The following ACYP2 variants were observed in gnomAD, a reference collection of about 807,000 sequenced individuals.
The protein encoded by ACYP2 is acylphosphatase 2.
Under a neutral mutation model 11.2 loss-of-function variants are expected in ACYP2, and 12 were observed. The ratio of observed to expected loss-of-function variants is 1.08; its 90% CI spans 0.69 to 1.74. The LOEUF is 1.74. Among genes scored for constraint, ACYP2 ranks in the 40% most tolerant of loss-of-function variants. The probability of loss-of-function intolerance (pLI) is 0.00; values close to 1 mark genes in which losing one functional copy is unlikely to be tolerated. For missense variants in ACYP2, 134 were observed against 101.9 expected, an observed-to-expected ratio of 1.31 and a Z score of -1.35; for synonymous variants, 43 against 32.2, an observed-to-expected ratio of 1.33 and a Z score of -1.13.
chr2:54,040,712 T>G (rs2104562698), intron 2 of ACYP2, among the ~76,000 whole-genome samples: 1 of 152,184 alleles, frequency 6.6e-6, no homozygotes, highest in Non-Finnish European at 1.5e-5. Context: ...AAGATGAAAA[T>G]TAAGGCTTGG....
intron 6 of ACYP2, among the ~76,000 whole-genome samples, chr2:54,264,003 G>T (rs1390389778): frequency 6.6e-6 from 1 of 152,144 alleles, no homozygotes; most frequent in Non-Finnish European, 1.5e-5. Context: ...AATGAAACAG[G>T]CATGGATCTG....
At chr2:54,171,407 G>T (rs1314339856) in intron 6 of ACYP2, among the ~76,000 whole-genome samples, 2 of 152,130 alleles carry the variant, frequency 1.3e-5, no homozygotes, top group Non-Finnish European at 2.9e-5. Flanking sequence ...ATGGCCAAAT[G>T]CATATCTTCT....
chr2:54,180,706 C>A (rs1297007263), intron 6 of ACYP2, among the ~76,000 whole-genome samples: 1 of 152,046 alleles, frequency 6.6e-6, no homozygotes, highest in African/African-American at 2.4e-5. Context: ...AGGCACACAC[C>A]ACCATGCCAG....
rs149576805 is a variant in ACYP2, at chr2:54,216,686, C to T, written c.404+77938C>T. Among the ~76,000 whole-genome samples the T allele has an allele frequency of 7.7e-3, 1,169 of 152,180 alleles. 15 individuals carry two copies. Among genetic ancestry groups the T allele is most frequent in the African/African-American group, 0.027 (1,125 of 41,514 alleles). On this transcript the variant is annotated intron_variant, in intron 6 of 6. Coordinates refer to ENST00000607452, the MANE Select transcript of ACYP2 (RefSeq NM_001320586.2). ...CTGAGTAGCTGGGACTACAGACACA[C>T]ACCACCACACCTGGCTAATTTTTGT...
chr2:54,172,766 C>G (rs1360162881), intron 6 of ACYP2, among the ~76,000 whole-genome samples: 1 of 152,090 alleles, frequency 6.6e-6, no homozygotes. Context: ...CTTACTGTTC[C>G]ATTCCCACCT....
chr2:54,067,195 A>T (rs2103641506), intron 4 of ACYP2, among the ~76,000 whole-genome samples: 1 of 152,358 alleles, frequency 6.6e-6, no homozygotes, highest in African/African-American at 2.4e-5. Flanking sequence ...AGTTAAGTCT[A>T]AGTAAAATGT....
At chr2:54,287,713 T>A (rs1689137909) in intron 6 of ACYP2, among the ~76,000 whole-genome samples, 1 of 152,054 alleles carries the variant, frequency 6.6e-6, no homozygotes, top group African/African-American at 2.4e-5. Flanking sequence ...AGAACCCAGC[T>A]GACTGAGTTT....
intron 2 of ACYP2, among the ~76,000 whole-genome samples, chr2:53,993,685 A>C (rs988473072): frequency 2.6e-5 from 4 of 151,368 alleles, no homozygotes; most frequent in Admixed American, 1.3e-4. Flanking sequence ...CGACAGAGTG[A>C]GGGAAAAAAA....
chr2:54,142,752 A>C (rs2103792292), intron 6 of ACYP2: 1 of 152,264 alleles, frequency 6.6e-6, no homozygotes, highest in African/African-American at 2.4e-5. Context: ...AAATAAAGAC[A>C]GAAGTGACAT....
At chr2:54,039,444 A>G (rs1675104733) in intron 2 of ACYP2, among the ~76,000 whole-genome samples, 1 of 151,752 alleles carries the variant, frequency 6.6e-6, no homozygotes, top group Non-Finnish European at 1.5e-5. Flanking sequence ...GGTGTGCACT[A>G]TCATGCCTGG....
intron 4 of ACYP2, among the ~76,000 whole-genome samples, chr2:54,059,373 C>G (rs1209761363): frequency 6.6e-6 from 1 of 152,038 alleles, no homozygotes; most frequent in Non-Finnish European, 1.5e-5. Context: ...CGCCTGCAAC[C>G]ATGCCTGGCT....
At chr2:54,175,907 C>T (rs1683438006) in intron 6 of ACYP2, among the ~76,000 whole-genome samples, 1 of 152,068 alleles carries the variant, frequency 6.6e-6, no homozygotes, top group Non-Finnish European at 1.5e-5. Context: ...GGTAGATGAT[C>T]AGATCATAAG....
chr2:54,109,954 C>T (rs538688059), intron 4 of ACYP2, among the ~76,000 whole-genome samples: 11 of 152,244 alleles, frequency 7.2e-5, no homozygotes, highest in African/African-American at 1.2e-4. Flanking sequence ...TTCTGTCCCA[C>T]GATCCCACCA....
At chr2:54,231,127 C>T (rs1686218394) in intron 6 of ACYP2, among the ~76,000 whole-genome samples, 1 of 152,080 alleles carries the variant, frequency 6.6e-6, no homozygotes, top group African/African-American at 2.4e-5. Flanking sequence ...CCACCGCGCC[C>T]GGCCAAACCA....
intron 2 of ACYP2, among the ~76,000 whole-genome samples, chr2:54,012,840 C>T (rs979690882): frequency 5.3e-5 from 8 of 152,198 alleles, no homozygotes; most frequent in Admixed American, 5.2e-4. Context: ...GCTGGAGTGG[C>T]TTCCCATCTC....
chr2:54,108,007 G>A (rs1056226162), intron 4 of ACYP2, among the ~76,000 whole-genome samples: 2 of 152,076 alleles, frequency 1.3e-5, no homozygotes, highest in Non-Finnish European at 2.9e-5. Context: ...CTGCCACTCC[G>A]GGACCCGCCA....
Position 54,215,639 on chromosome 2 carries a change from A to G in ACYP2, c.404+76891A>G, listed in dbSNP as rs370380463. Among the ~76,000 whole-genome samples, 11 of 152,164 alleles carry G rather than the reference A, an allele frequency of 7.2e-5. No individual in the cohort carries two copies. In the East Asian group the frequency reaches 1.9e-3, roughly 27 times the overall value. On this transcript the variant is annotated intron_variant, in intron 6 of 6. Transcript: ENST00000607452. ...ATTCTTCCAGACTTGTAACTTCACAATAAATTGTGTAAATTTATAACAAGG... is the reference window on the plus strand; with the variant it reads ...ATTCTTCCAGACTTGTAACTTCACAGTAAATTGTGTAAATTTATAACAAGG...
intron 3 of ACYP2, among the ~76,000 whole-genome samples, chr2:54,053,808 C>T (rs1675987223): frequency 6.6e-6 from 1 of 152,220 alleles, no homozygotes; most frequent in Non-Finnish European, 1.5e-5. Flanking sequence ...TTTCTTTACT[C>T]AGTAATTCTT....
At chr2:54,099,666 C>T (rs1444347720) in intron 4 of ACYP2, among the ~76,000 whole-genome samples, 1 of 151,738 alleles carries the variant, frequency 6.6e-6, no homozygotes, top group South Asian at 2.1e-4. Flanking sequence ...TTTTTTTATC[C>T]ATTCATCCAC....
Sources: gnomAD v4.1 joint callset for allele counts (sites outside exome capture counted in the v4.1 genomes callset) on GRCh38, gnomAD v4.1.1 for gene constraint, MANE v1.5 for transcripts, NCBI Gene and HGNC (gene_info 2026-07-23, HGNC 2026-07-21) for gene names.